PRR33: variants seen among roughly 807,000 people sequenced by gnomAD.
PRR33 encodes proline-rich protein 33.
PRR33 carries 1 observed loss-of-function variant against 0.5 expected under a neutral mutation model. That is an observed-to-expected ratio of 2.18 (90% CI 0.77 to 10.34). The LOEUF is 10.34. Among genes scored for constraint, PRR33 ranks in the 30% most tolerant of loss-of-function variants. The probability of loss-of-function intolerance (pLI) is 0.13; values close to 1 mark genes in which losing one functional copy is unlikely to be tolerated. For missense variants in PRR33, 552 were observed against 251.8 expected (o/e 2.19, Z -8.07); for synonymous variants, 226 against 110.0 (o/e 2.06, Z -6.60).
the PRR33 span, among the ~76,000 whole-genome samples, chr11:1,905,370 G>A: frequency 2.0e-5 from 3 of 150,522 alleles, no homozygotes; most frequent in East Asian, 2.0e-4. Context: ...CAGGTGATCC[G>A]TCTGCCTCAG....
chr11:1,913,606 T>C, the PRR33 span, among the ~76,000 whole-genome samples: 1 of 152,210 alleles, frequency 6.6e-6, no homozygotes, highest in Non-Finnish European at 1.5e-5. Context: ...CAGGTGTGTT[T>C]TTACTTTCTA....
At chr11:1,912,591 A>G in the PRR33 span, among the ~76,000 whole-genome samples, 3 of 152,252 alleles carry the variant, frequency 2.0e-5, no homozygotes, top group East Asian at 5.8e-4. Flanking sequence ...GTTTTTTCAC[A>G]TAAACCATTT....
the PRR33 span, among the ~76,000 whole-genome samples, chr11:1,909,543 G>A: frequency 2.0e-5 from 3 of 152,146 alleles, no homozygotes; most frequent in East Asian, 1.9e-4. Flanking sequence ...CCCAGGAGTC[G>A]GAGGTTGCAG....
At chr11:1,905,572 GGGAT>G in the PRR33 span, among the ~76,000 whole-genome samples, 1 of 151,748 alleles carries the variant, frequency 6.6e-6, no homozygotes, top group South Asian at 2.1e-4. Flanking sequence ...TCTAGTAGCT[GGGAT>G]TATAGGCGTG....
chr11:1,894,594 G>C (rs1447008897), upstream of PRR33, among the ~76,000 whole-genome samples: 1 of 152,090 alleles, frequency 6.6e-6, no homozygotes, highest in Non-Finnish European at 1.5e-5. Context: ...CGCACTCCTT[G>C]TCTGACTTCT....
the PRR33 span, among the ~76,000 whole-genome samples, chr11:1,904,846 G>T: frequency 6.6e-6 from 1 of 151,556 alleles, no homozygotes; most frequent in African/African-American, 2.4e-5. Context: ...CTGTACTCCC[G>T]CTGCCTCTCT....
chr11:1,905,336 A>G, the PRR33 span, among the ~76,000 whole-genome samples: 1 of 151,646 alleles, frequency 6.6e-6, no homozygotes, highest in Non-Finnish European at 1.5e-5. Context: ...CATGTTGGCC[A>G]GGCTACTCTC....
the PRR33 span, among the ~76,000 whole-genome samples, chr11:1,908,770 C>A: frequency 6.6e-6 from 1 of 152,188 alleles, no homozygotes; most frequent in Non-Finnish European, 1.5e-5. Context: ...CGTCTCATTT[C>A]CGCCTCACAT....
At chr11:1,915,837 G>A in the PRR33 span, among the ~76,000 whole-genome samples, 6 of 151,348 alleles carry the variant, frequency 4.0e-5, no homozygotes, top group African/African-American at 1.5e-4. Context: ...TAGATGGATA[G>A]ATGAAGAGAT....
the PRR33 span, among the ~76,000 whole-genome samples, chr11:1,910,156 C>G: frequency 9.9e-5 from 15 of 152,232 alleles, no homozygotes; most frequent in African/African-American, 3.6e-4. Flanking sequence ...TTTTCTGATT[C>G]TTTGCAGTGA....
At chr11:1,913,315 G>T in the PRR33 span, among the ~76,000 whole-genome samples, 1,177 of 143,760 alleles carry the variant, frequency 8.2e-3, 9 homozygotes, top group African/African-American at 0.015. Flanking sequence ...TTTTTTTTTT[G>T]TTTTTTTTTT....
At chr11:1,890,689 G>A (rs553078414) in exon 1 of PRR33, 2 of 623,772 alleles carry the variant, frequency 3.2e-6, no homozygotes, top group African/African-American at 3.6e-5. Context: ...GGGGCCAGGG[G>A]TGTGGAGGCC....
the PRR33 span, among the ~76,000 whole-genome samples, chr11:1,902,103 G>A: frequency 1.3e-5 from 2 of 152,010 alleles, no homozygotes; most frequent in East Asian, 1.9e-4. Flanking sequence ...GTGGTGGCGG[G>A]CGCCTGTAGT....
chr11:1,901,373 A>C, the PRR33 span, among the ~76,000 whole-genome samples: 1 of 152,158 alleles, frequency 6.6e-6, no homozygotes, highest in Non-Finnish European at 1.5e-5. Context: ...CGTCTCAGTC[A>C]AAGAGACAAT....
At chr11:1,909,728 C>G in the PRR33 span, among the ~76,000 whole-genome samples, 2 of 151,456 alleles carry the variant, frequency 1.3e-5, no homozygotes, top group South Asian at 2.1e-4. Context: ...TGCAGTCAGC[C>G]GTGGTGGTGT....
the PRR33 span, among the ~76,000 whole-genome samples, chr11:1,915,387 CTG>C: frequency 7.0e-6 from 1 of 143,866 alleles, no homozygotes; most frequent in South Asian, 2.3e-4. Flanking sequence ...GATGATGTTT[CTG>C]TGTGTGTGTG....
the PRR33 span, among the ~76,000 whole-genome samples, chr11:1,897,709 G>T: frequency 6.6e-6 from 1 of 152,170 alleles, no homozygotes; most frequent in African/African-American, 2.4e-5. This position sits in a 1 kb window ranked among gnomAD's most constrained non-coding sequence, Gnocchi z 4.0. Flanking sequence ...TCCAGCTTCC[G>T]GTCACAGAAT....
chr11:1,898,192 T>C, the PRR33 span, among the ~76,000 whole-genome samples: 2 of 151,898 alleles, frequency 1.3e-5, no homozygotes, highest in Non-Finnish European at 2.9e-5. Context: ...TGTGTAACCA[T>C]AGCCTTTGGA....
At chr11:1,900,418 A>G in the PRR33 span, among the ~76,000 whole-genome samples, 1 of 152,194 alleles carries the variant, frequency 6.6e-6, no homozygotes. Flanking sequence ...AAACCAGTCA[A>G]TCTTTCCATT....
Sources: gnomAD v4.1 joint callset for allele counts (sites outside exome capture counted in the v4.1 genomes callset) on GRCh38, gnomAD v4.1.1 for gene constraint, Gnocchi (gnomAD v3.1) non-coding constraint, MANE v1.5 for transcripts, NCBI Gene and HGNC (gene_info 2026-07-23, HGNC 2026-07-21) for gene names.